LMNA: variants seen among roughly 807,000 people sequenced by gnomAD.
LMNA encodes the protein lamin A/C, also known as lamin.
A neutral mutation model predicts 70.4 loss-of-function variants in LMNA; 20 were observed. That is an observed-to-expected ratio of 0.28 (90% confidence interval 0.20 to 0.41). LMNA has a LOEUF of 0.41. Among genes scored for constraint, LMNA ranks in the 10% least tolerant of loss-of-function variants. The pLI, the probability that LMNA is intolerant of heterozygous loss-of-function variation, is 1.00. For missense variants in LMNA, 652 were observed against 917.2 expected (o/e 0.71, Z 3.73); for synonymous variants, 339 against 372.8 (o/e 0.91, Z 1.04).
intron 1 of LMNA, among the ~76,000 whole-genome samples, chr1:156,116,140 G>A (rs912278924): frequency 6.6e-6 from 1 of 152,190 alleles, no homozygotes; most frequent in Non-Finnish European, 1.5e-5. Flanking sequence ...GTCTTCGAGG[G>A]TTGGGGGCAC....
intron 2 of LMNA, among the ~76,000 whole-genome samples, chr1:156,086,072 C>T (rs1356266460): frequency 1.3e-5 from 2 of 152,128 alleles, no homozygotes; most frequent in Non-Finnish European, 2.9e-5. Context: ...TAAAATAAGC[C>T]AAGGTCCTAA....
intron 1 of LMNA, among the ~76,000 whole-genome samples, chr1:156,119,412 G>A (rs778583857): frequency 7.9e-5 from 12 of 151,908 alleles, no homozygotes; most frequent in Non-Finnish European, 1.5e-4. Flanking sequence ...CACCGTACCC[G>A]GCCACTAATT....
chr1:156,128,088 T>C (rs764401859), intron 1 of LMNA, among the ~76,000 whole-genome samples: 5 of 152,156 alleles, frequency 3.3e-5, no homozygotes, highest in African/African-American at 4.8e-5. Flanking sequence ...ACCCTAGATA[T>C]AGCTTTCTGT....
intron 1 of LMNA, among the ~76,000 whole-genome samples, chr1:156,128,407 A>C (rs1477148789): frequency 6.6e-6 from 1 of 152,168 alleles, no homozygotes; most frequent in East Asian, 1.9e-4. Flanking sequence ...ACCAGGGGGA[A>C]CTCCAGGAAT....
In LMNA at chr1:156,140,003, A is replaced by G. The variant is rs1367373088; in HGVS notation, c.*897A>G. 3 of 591,666 alleles carry G rather than the reference A, an allele frequency of 5.1e-6. No homozygotes were observed. Among genetic ancestry groups the G allele is most frequent in the East Asian group, 3.3e-5 (1 of 30,238 alleles). The allele number at this position is 591,666 out of a possible 1,614,324, so 36.7% of individuals were successfully genotyped here. A position where few individuals can be genotyped will look rare whatever the true frequency, so the allele number is the denominator to read the frequency against. ...AGGGGTGTGGCAGTGGTTTTGGCAAACGCTAAAGAGCCCTTGCCTCCCCAT... is the reference window on the plus strand; with the variant it reads ...AGGGGTGTGGCAGTGGTTTTGGCAAGCGCTAAAGAGCCCTTGCCTCCCCAT... On this transcript the variant is annotated 3_prime_UTR_variant, in exon 12 of 12. Transcript: ENST00000368300.
At chr1:156,131,487 G>A (rs1479029174) in intron 2 of LMNA, among the ~76,000 whole-genome samples, 1 of 152,158 alleles carries the variant, frequency 6.6e-6, no homozygotes, top group Non-Finnish European at 1.5e-5. Context: ...CTACTTGGGA[G>A]GCTGAGGCAG....
At chr1:156,109,108 G>GAGCT (rs1277664804) in intron 3 of LMNA, among the ~76,000 whole-genome samples, 1 of 151,404 alleles carries the variant, frequency 6.6e-6, no homozygotes, top group Non-Finnish European at 1.5e-5. Context: ...CTACCTTGTA[G>GAGCT]AGCTATTGTA....
chr1:156,092,378 A>G (rs1399397495), intron 3 of LMNA, among the ~76,000 whole-genome samples: 1 of 151,848 alleles, frequency 6.6e-6, no homozygotes, highest in Admixed American at 6.6e-5. Flanking sequence ...TCCCATCACT[A>G]TTCAAAAATT....
chr1:156,133,660 C>T (rs1324450279), intron 2 of LMNA, among the ~76,000 whole-genome samples: 1 of 152,158 alleles, frequency 6.6e-6, no homozygotes, highest in Non-Finnish European at 1.5e-5. Context: ...CAGATAAGGG[C>T]ATCTCTTCAT....
upstream of LMNA, among the ~76,000 whole-genome samples, chr1:156,110,120 G>A (rs1181102451): frequency 6.6e-6 from 1 of 152,052 alleles, no homozygotes; most frequent in African/African-American, 2.4e-5. Context: ...CAAGTATTGG[G>A]ATTATGGGTG....
At chr1:156,112,866 G>C (rs1223535211), upstream of LMNA, among the ~76,000 whole-genome samples, 1 of 152,188 alleles carries the variant, frequency 6.6e-6, no homozygotes, top group African/African-American at 2.4e-5. Context: ...GGGAAGCCCT[G>C]ATATCTTGGA....
At chr1:156,127,612 A>G (rs2430417) in intron 1 of LMNA, among the ~76,000 whole-genome samples, 15,257 of 134,842 alleles carry the variant, frequency 0.11, 1,457 homozygotes, top group African/African-American at 0.28. Context: ...TCCGCCTCCC[A>G]AGTTCAAGTG....
At chr1:156,098,251 G>A (rs1003932346) in intron 3 of LMNA, among the ~76,000 whole-genome samples, 17 of 152,188 alleles carry the variant, frequency 1.1e-4, no homozygotes, top group Non-Finnish European at 1.9e-4. Context: ...TGTTTTGAAG[G>A]TGTGAAAGCT....
chr1:156,095,470 C>T (rs1648900370), intron 3 of LMNA, among the ~76,000 whole-genome samples: 1 of 151,034 alleles, frequency 6.6e-6, no homozygotes, highest in Admixed American at 6.6e-5. Flanking sequence ...TCCTGAGTAG[C>T]TAGGATTACA....
rs1227986902 is a variant in LMNA, at chr1:156,137,506, T to G, written c.1609-148T>G. The G allele has an allele frequency of 1.4e-5, 12 of 849,860 alleles. No homozygotes were observed. In the African/African-American group the frequency reaches 2.0e-4, roughly 14 times the overall value. The allele number at this position is 849,860 out of a possible 1,614,324, so 52.6% of individuals were successfully genotyped here. ...TCCCTCTGGGGTGGAAATGAGTTCC[T>G]TAGCTCCATCACCACAGAGGACAGA... On this transcript the variant is annotated intron_variant, in intron 9 of 11. Transcript: ENST00000368300. This position sits in a 1 kb window ranked among gnomAD's most constrained non-coding sequence, Gnocchi z 4.6.
intron 3 of LMNA, among the ~76,000 whole-genome samples, chr1:156,092,820 C>T (rs781074399): frequency 2.6e-5 from 4 of 152,010 alleles, no homozygotes; most frequent in Non-Finnish European, 5.9e-5. Flanking sequence ...CTCTCCAGCC[C>T]ATCCTGCTCC....
intron 1 of LMNA, among the ~76,000 whole-genome samples, chr1:156,127,928 C>T (rs978955306): frequency 1.3e-5 from 2 of 152,002 alleles, no homozygotes; most frequent in African/African-American, 4.8e-5. Flanking sequence ...TCAAGTGATC[C>T]ACCTGCCTTG....
upstream of LMNA, chr1:156,109,846 A>G (rs1489360854): frequency 2.0e-5 from 3 of 151,120 alleles, no homozygotes; most frequent in Non-Finnish European, 4.4e-5. Flanking sequence ...ACACACACAC[A>G]TATATATGTA....
rs1184077012 is a variant in LMNA at position 156,139,217 on chromosome 1, T to C, written c.*111T>C. ...GAGGGGGCTTGAAGCCAAAGAAAAA[T>C]AACCCTTTGGTTTTTTTCTTCTGTA... On this transcript the variant is annotated 3_prime_UTR_variant, in exon 12 of 12. Coordinates refer to ENST00000368300, the MANE Select transcript of LMNA (RefSeq NM_170707.4). The C allele has an allele frequency of 1.9e-6, 3 of 1,555,042 alleles. No individual in the cohort carries two copies. In the South Asian group the frequency reaches 3.6e-5, roughly 18 times the overall value.
Sources: allele counts gnomAD v4.1 joint callset (sites outside exome capture counted in the v4.1 genomes callset), GRCh38; gene constraint gnomAD v4.1.1; non-coding constraint Gnocchi (gnomAD v3.1); transcripts MANE v1.5; gene names NCBI Gene and HGNC (gene_info 2026-07-23, HGNC 2026-07-21).